FAM219A: variants seen among roughly 807,000 people sequenced by gnomAD.
FAM219A encodes the protein family with sequence similarity 219 member A, also known as protein FAM219A.
In FAM219A, 7 loss-of-function variants were observed where a neutral mutation model predicts 23.4. The ratio of observed to expected loss-of-function variants is 0.30; its 90% CI spans 0.17 to 0.56. The LOEUF is 0.56. Ranked by LOEUF, FAM219A falls within the 20% of genes least tolerant of loss-of-function variation. The probability of loss-of-function intolerance (pLI) is 0.92; values close to 1 mark genes in which losing one functional copy is unlikely to be tolerated. For synonymous variants in FAM219A, 93 were observed against 99.0 expected, an observed-to-expected ratio of 0.94 and a Z score of 0.36; for missense variants, 166 against 246.9, an observed-to-expected ratio of 0.67 and a Z score of 2.20.
intron 1 of FAM219A, among the ~76,000 whole-genome samples, chr9:34,407,736 C>A (rs563655160): frequency 6.6e-6 from 1 of 152,142 alleles, no homozygotes; most frequent in Non-Finnish European, 1.5e-5. Context: ...GCCTAAGGTG[C>A]GAGGAGTGCA....
chr9:34,416,297 A>C, intron 1 of FAM219A, among the ~76,000 whole-genome samples: 1 of 146,304 alleles, frequency 6.8e-6, no homozygotes, highest in Admixed American at 6.8e-5. Flanking sequence ...GAAGGAAGGA[A>C]GGAAGGAAGG....
rs151302647 is a variant in FAM219A at position 34,441,025 on chromosome 9, C to T, written c.60+17179G>A. Among the ~76,000 whole-genome samples the T allele has an allele frequency of 5.9e-5, 9 of 152,202 alleles. No homozygotes were observed. The East Asian group carries it at 1.7e-3, about 29-fold the overall frequency. On this transcript the variant is annotated intron_variant, in intron 1 of 5. Coordinates refer to ENST00000651358, the MANE Select transcript of FAM219A (RefSeq NM_001184940.2). Reference sequence around the variant, plus strand: ...TGGGACTCCAGGCTTAATGCCACCACACCTGACTCTCACATAGGTTTTTAA... The same window carrying T: ...TGGGACTCCAGGCTTAATGCCACCATACCTGACTCTCACATAGGTTTTTAA...
At chr9:34,420,947 T>C (rs1822246525) in intron 1 of FAM219A, among the ~76,000 whole-genome samples, 1 of 150,620 alleles carries the variant, frequency 6.6e-6, no homozygotes, top group South Asian at 2.1e-4. Context: ...ACCACTGCAC[T>C]CCAGCCTGGG....
rs1166574942 is a variant in FAM219A at position 34,457,732 on chromosome 9, A to G, written c.60+472T>C. On this transcript the variant is annotated intron_variant, in intron 1 of 5. Coordinates refer to ENST00000651358, the MANE Select transcript of FAM219A (RefSeq NM_001184940.2). The surrounding 1 kb of genome is among the most constrained non-coding windows in gnomAD (Gnocchi z 5.1). ...GCCCAGCGTTCCTGTCCGTATATCC[A>G]GCGGACAGGCGGGCAAGCCCCTCCT... Among the ~76,000 whole-genome samples, 1 of 151,476 alleles carries G rather than the reference A, an allele frequency of 6.6e-6. No individual in the cohort carries two copies. The highest frequency in any genetic ancestry group is 1.5e-5 in the Non-Finnish European group (1 of 67,872).
chr9:34,437,725 A>G (rs1286955106), intron 1 of FAM219A, among the ~76,000 whole-genome samples: 2 of 152,248 alleles, frequency 1.3e-5, no homozygotes, highest in East Asian at 1.9e-4. Context: ...CTGGTGGCAG[A>G]TAAGTAGTAA....
rs74180565 is a variant in FAM219A, at chr9:34,416,273, GGGAAGGAAGGAAGGAA to G, written c.61-10325_61-10310del. 5.4e-3 allele frequency among the ~76,000 whole-genome samples: 613 copies of G among 114,182 alleles called. 11 individuals are homozygous for G. Among genetic ancestry groups the G allele is most frequent in the African/African-American group, 0.02 (572 of 28,504 alleles). 74.9% of individuals were successfully genotyped at this position (114,182 alleles called of 152,430 possible). A position where few individuals can be genotyped will look rare whatever the true frequency, so the allele number is the denominator to read the frequency against. ...AAAGAAAGAAAGGGGGAGGGAGGGA[GGGAAGGAAGGAAGGAA>G]GGAAGGAAGGAAGGAAGGAACGAAG... On this transcript the variant is annotated intron_variant, in intron 1 of 5. Coordinates refer to ENST00000651358, the MANE Select transcript of FAM219A (RefSeq NM_001184940.2).
intron 1 of FAM219A, among the ~76,000 whole-genome samples, chr9:34,421,041 A>AGAGAGAGG (rs1243922689): frequency 4.8e-4 from 72 of 150,286 alleles, no homozygotes; most frequent in African/African-American, 1.7e-3. Context: ...AGAGAGAGAG[A>AGAGAGAGG]GAGAATGGCT....
intron 1 of FAM219A, among the ~76,000 whole-genome samples, chr9:34,455,622 A>G (rs1021720832): frequency 6.6e-6 from 1 of 152,078 alleles, no homozygotes; most frequent in African/African-American, 2.4e-5. Flanking sequence ...ATGCAGCACC[A>G]TGCTGAGCTA....
chr9:34,458,305 G>C lies in FAM219A; in HGVS notation c.-42C>G. ...CGGGCCAGGGGCCGGGCGCGGCCGC[G>C]GACGCCGACAGGACCGCGCGGGGCG... On this transcript the variant is annotated 5_prime_UTR_variant, in exon 1 of 6. Transcript: ENST00000651358. The surrounding 1 kb of genome is among the most constrained non-coding windows in gnomAD (Gnocchi z 6.6). 1.5e-6 allele frequency: 2 copies of C among 1,327,018 alleles called. No homozygotes were observed. Among genetic ancestry groups the C allele is most frequent in the Non-Finnish European group, 1.9e-6 (2 of 1,037,908 alleles). 82.2% of individuals were successfully genotyped at this position (1,327,018 alleles called of 1,614,324 possible).
chr9:34,433,480 C>A (rs1822787782), intron 1 of FAM219A, among the ~76,000 whole-genome samples: 2 of 152,216 alleles, frequency 1.3e-5, no homozygotes, highest in African/African-American at 4.8e-5. Flanking sequence ...TCCTCTTCCT[C>A]CAACTCATCT....
chr9:34,440,563 A>G (rs1185047034), intron 1 of FAM219A, among the ~76,000 whole-genome samples: 1 of 151,310 alleles, frequency 6.6e-6, no homozygotes, highest in Non-Finnish European at 1.5e-5. Flanking sequence ...AAAAAAAACA[A>G]TTTTTGGCCA....
rs115474340 is a variant in FAM219A, at chr9:34,452,063, A to C, written c.60+6141T>G. ...AAGCACTCAGACAACAAAGGATTTT[A>C]TTTTTTATTCATCAAAGTGCTACTG... On this transcript the variant is annotated intron_variant, in intron 1 of 5. Transcript: ENST00000651358. 2.5e-3 allele frequency among the ~76,000 whole-genome samples: 378 copies of C among 152,090 alleles called. 2 individuals are homozygous for C. Among genetic ancestry groups the C allele is most frequent in the African/African-American group, 8.7e-3 (361 of 41,506 alleles).
chr9:34,401,907 A>G (rs888420332), intron 4 of FAM219A, among the ~76,000 whole-genome samples, 187 bp from the exon 5 acceptor site: 2 of 152,088 alleles, frequency 1.3e-5, no homozygotes, highest in African/African-American at 4.8e-5. Context: ...CCCCACCCTT[A>G]AAATCAATTG....
chr9:34,432,332 C>T (rs1249040187), intron 1 of FAM219A, among the ~76,000 whole-genome samples: 1 of 152,176 alleles, frequency 6.6e-6, no homozygotes, highest in Non-Finnish European at 1.5e-5. Flanking sequence ...CCTCTTCCTA[C>T]CTGCTCTACT....
chr9:34,442,114 T>C (rs1388065773), intron 1 of FAM219A, among the ~76,000 whole-genome samples: 9 of 152,140 alleles, frequency 5.9e-5, no homozygotes, highest in African/African-American at 2.2e-4. Flanking sequence ...ACATCACACC[T>C]CAAAAGGTAA....
rs753786528 is a variant in FAM219A at position 34,405,924 on chromosome 9, G to C, written c.101C>G (p.Ala34Gly). 6.2e-7 allele frequency: 1 copy of C among 1,613,650 alleles called. No homozygotes were observed. Residue 34 changes from alanine to glycine, a missense_variant, in exon 2 of 6, where the codon GCC becomes GGC. This residue lies in a region of FAM219A where 89 missense variants were observed against 98.8 expected (regional missense o/e 0.90). Coordinates refer to ENST00000651358, the MANE Select transcript of FAM219A (RefSeq NM_001184940.2). Reference sequence around the variant, plus strand: ...CATGGCTACTGACTCACCCTCCCGGGCGTCACAGTCTCCGTCAGAGATGGA... The same window carrying C: ...CATGGCTACTGACTCACCCTCCCGGCCGTCACAGTCTCCGTCAGAGATGGA... The part of the protein sequence containing the change: ...AASISDGDCD[A>G]REGESVAMNY...
At chr9:34,436,577 T>C (rs1235732731) in intron 1 of FAM219A, among the ~76,000 whole-genome samples, 4 of 152,208 alleles carry the variant, frequency 2.6e-5, no homozygotes, top group Non-Finnish European at 5.9e-5. Context: ...AAAGTCTTTA[T>C]ATGTTTGTCT....
intron 1 of FAM219A, among the ~76,000 whole-genome samples, chr9:34,436,400 T>C (rs1822921181): frequency 6.6e-6 from 1 of 151,760 alleles, no homozygotes; most frequent in Non-Finnish European, 1.5e-5. Flanking sequence ...CATGCCACCA[T>C]GCCTGGCTAT....
chr9:34,452,052 C>A (rs1823579090), intron 1 of FAM219A, among the ~76,000 whole-genome samples: 1 of 152,074 alleles, frequency 6.6e-6, no homozygotes, highest in South Asian at 2.1e-4. Flanking sequence ...ACTCAGACAA[C>A]AAAGGATTTT....
Sources: allele counts gnomAD v4.1 joint callset (sites outside exome capture counted in the v4.1 genomes callset), GRCh38; gene constraint gnomAD v4.1.1; regional missense constraint gnomAD v4.1.1; non-coding constraint Gnocchi (gnomAD v3.1); transcripts MANE v1.5; gene names NCBI Gene and HGNC (gene_info 2026-07-23, HGNC 2026-07-21).